The following TSPAN5 variants were observed in gnomAD, a reference collection of about 807,000 sequenced individuals.
The protein encoded by TSPAN5 is tetraspanin 5.
TSPAN5 carries 10 observed loss-of-function variants against 37.1 expected under a neutral mutation model. The ratio of observed to expected loss-of-function variants is 0.27; its 90% CI spans 0.17 to 0.46. TSPAN5 has a LOEUF of 0.46. Among genes scored for constraint, TSPAN5 ranks in the 20% least tolerant of loss-of-function variants. TSPAN5 has a pLI of 1.00. For missense variants in TSPAN5, 195 were observed against 326.6 expected (o/e 0.60, Z 3.11); for synonymous variants, 110 against 118.9 (o/e 0.93, Z 0.48).
intron 1 of TSPAN5, chr4:98,509,728 A>G (rs1169957414): frequency 6.6e-6 from 1 of 152,240 alleles, no homozygotes; most frequent in Non-Finnish European, 1.5e-5. Context: ...GTGAATCTCC[A>G]AAAGACTCAA....
At chr4:98,549,291 T>TG (rs748393190) in intron 1 of TSPAN5, among the ~76,000 whole-genome samples, 3 of 141,024 alleles carry the variant, frequency 2.1e-5, no homozygotes, top group African/African-American at 9.0e-5. Flanking sequence ...TTTGTTTGTT[T>TG]GTTTGTTTTT....
chr4:98,658,134 G>A lies in TSPAN5; in HGVS notation c.81+12C>T, dbSNP rs1333071085. 8 of 1,606,746 alleles carry A rather than the reference G, an allele frequency of 5.0e-6. No individual in the cohort carries two copies. Among genetic ancestry groups the A allele is most frequent in the Non-Finnish European group, 6.8e-6 (8 of 1,173,312 alleles). Reference sequence around the variant, plus strand: ...CCACAATAGTTGGAATCCCAGGAGCGCTCCAACTTACCCAAAATATGACAT... The same window carrying A: ...CCACAATAGTTGGAATCCCAGGAGCACTCCAACTTACCCAAAATATGACAT... On this transcript the variant is annotated intron_variant, in intron 1 of 7. Transcript: ENST00000305798.
intron 1 of TSPAN5, among the ~76,000 whole-genome samples, chr4:98,569,962 C>A (rs1755084657): frequency 6.6e-6 from 1 of 152,084 alleles, no homozygotes; most frequent in South Asian, 2.1e-4. Context: ...GTGGTGTTGG[C>A]AGAGAGGTCA....
intron 1 of TSPAN5, among the ~76,000 whole-genome samples, chr4:98,646,647 T>G (rs1266583095): frequency 6.6e-6 from 1 of 152,216 alleles, no homozygotes; most frequent in Non-Finnish European, 1.5e-5. Context: ...CGATAAGAAC[T>G]GCGTGCCACT....
At chr4:98,637,513 G>T (rs773641281) in intron 1 of TSPAN5, among the ~76,000 whole-genome samples, 1 of 151,960 alleles carries the variant, frequency 6.6e-6, no homozygotes, top group African/African-American at 2.4e-5. Flanking sequence ...TATTCATTTT[G>T]CAAACAACAG....
At chr4:98,480,766 A>G (rs755245797) in intron 4 of TSPAN5, among the ~76,000 whole-genome samples, 32 of 152,304 alleles carry the variant, frequency 2.1e-4, no homozygotes, top group Non-Finnish European at 3.5e-4. Context: ...GAAAGGGATT[A>G]TTAGGGAGCC....
chr4:98,598,975 G>A (rs1224053351), intron 1 of TSPAN5, among the ~76,000 whole-genome samples: 1 of 152,074 alleles, frequency 6.6e-6, no homozygotes, highest in African/African-American at 2.4e-5. Flanking sequence ...AGAGCAACAG[G>A]AAAATCCTGT....
chr4:98,503,685 T>C (rs1392024880), intron 2 of TSPAN5, among the ~76,000 whole-genome samples: 1 of 152,206 alleles, frequency 6.6e-6, no homozygotes, highest in Non-Finnish European at 1.5e-5. Flanking sequence ...TTGCAGTGTA[T>C]TATTTTAGGT....
At chr4:98,512,530 C>A (rs1454808895) in intron 1 of TSPAN5, among the ~76,000 whole-genome samples, 3 of 152,132 alleles carry the variant, frequency 2.0e-5, no homozygotes, top group Non-Finnish European at 4.4e-5. Flanking sequence ...CAGAGCTGAC[C>A]CTTGGGAACA....
chr4:98,611,612 A>G (rs1756192796), intron 1 of TSPAN5, among the ~76,000 whole-genome samples: 1 of 152,268 alleles, frequency 6.6e-6, no homozygotes, highest in African/African-American at 2.4e-5. Flanking sequence ...ATTAAAACTA[A>G]TAACACACCA....
intron 1 of TSPAN5, among the ~76,000 whole-genome samples, chr4:98,646,640 T>C (rs1357904127): frequency 2.0e-5 from 3 of 152,192 alleles, no homozygotes; most frequent in African/African-American, 7.2e-5. Context: ...GTATCCACGA[T>C]AAGAACTGCG....
chr4:98,532,366 T>C (rs564559476), intron 1 of TSPAN5, among the ~76,000 whole-genome samples: 25 of 152,340 alleles, frequency 1.6e-4, no homozygotes, highest in African/African-American at 5.3e-4. Context: ...CTTATTTCCT[T>C]GAGCAGTGGT....
At chr4:98,563,707 G>A (rs569865353) in intron 1 of TSPAN5, among the ~76,000 whole-genome samples, 2 of 152,222 alleles carry the variant, frequency 1.3e-5, no homozygotes, top group African/African-American at 4.8e-5. Context: ...CTGAACAGCT[G>A]TAATGGCAAA....
intron 1 of TSPAN5, among the ~76,000 whole-genome samples, chr4:98,520,355 C>G (rs1449620142): frequency 6.6e-6 from 1 of 152,212 alleles, no homozygotes; most frequent in Non-Finnish European, 1.5e-5. Context: ...CTTCCCTCAA[C>G]TCAAATGAGT....
intron 1 of TSPAN5, among the ~76,000 whole-genome samples, chr4:98,586,663 G>C (rs764030741): frequency 6.6e-5 from 10 of 152,226 alleles, no homozygotes; most frequent in Admixed American, 2.0e-4. Flanking sequence ...ACTCCAAAGA[G>C]AGTTTGTTAC....
In TSPAN5 at chr4:98,603,591, T is replaced by C. The variant is rs17027821; in HGVS notation, c.81+54555A>G. Among the ~76,000 whole-genome samples the C allele has an allele frequency of 4.5e-3, 681 of 152,318 alleles. 7 individuals carry two copies. Among genetic ancestry groups the C allele is most frequent in the African/African-American group, 0.016 (657 of 41,572 alleles). On this transcript the variant is annotated intron_variant, in intron 1 of 7. Coordinates refer to ENST00000305798, the MANE Select transcript of TSPAN5 (RefSeq NM_005723.4). ...CTATCTCAATTCATGGGAATAAAGTTACCCAGAGAGCTTACCTATCAGGCA... is the reference window on the plus strand; with the variant it reads ...CTATCTCAATTCATGGGAATAAAGTCACCCAGAGAGCTTACCTATCAGGCA...
At chr4:98,522,351 T>C (rs1753874492) in intron 1 of TSPAN5, among the ~76,000 whole-genome samples, 4 of 152,240 alleles carry the variant, frequency 2.6e-5, no homozygotes. Flanking sequence ...GTGAATTTTC[T>C]CCTGGTGGGC....
At chr4:98,487,230 T>A (rs1384040697) in intron 2 of TSPAN5, among the ~76,000 whole-genome samples, 2 of 106,802 alleles carry the variant, frequency 1.9e-5, no homozygotes, top group Admixed American at 1.1e-4. Flanking sequence ...GGGAAAACTA[T>A]ATGTAGAGAA....
intron 2 of TSPAN5, among the ~76,000 whole-genome samples, chr4:98,507,385 A>AG (rs1455438879): frequency 3.3e-5 from 5 of 152,202 alleles, no homozygotes; most frequent in Non-Finnish European, 7.3e-5. Context: ...TGCCTGAGTG[A>AG]GAAAATATCC....
Sources: allele counts gnomAD v4.1 joint callset (sites outside exome capture counted in the v4.1 genomes callset), GRCh38; gene constraint gnomAD v4.1.1; transcripts MANE v1.5; gene names NCBI Gene and HGNC (gene_info 2026-07-23, HGNC 2026-07-21).